The following SYT3 variants were observed in gnomAD, a reference collection of about 807,000 sequenced individuals.
The protein encoded by SYT3 is synaptotagmin-3.
In SYT3, 25 loss-of-function variants were observed where a neutral mutation model predicts 50.6. That is an observed-to-expected ratio of 0.49 (90% CI 0.36 to 0.69). SYT3 has a LOEUF of 0.69. Ranked by LOEUF, SYT3 falls within the 30% of genes least tolerant of loss-of-function variation. The probability of loss-of-function intolerance (pLI) is 0.00; values close to 1 mark genes in which losing one functional copy is unlikely to be tolerated. For missense variants in SYT3, 589 were observed against 793.6 expected (o/e 0.74, Z 3.10); for synonymous variants, 323 against 353.9 (o/e 0.91, Z 0.98).
Position 50,625,852 on chromosome 19 carries a change from G to A in SYT3, c.1402+45C>T, listed in dbSNP as rs1283711091. ...CTGGCCCCTCCTCCCTCAGACCCAG[G>A]AGTCCAGGCCCCCAGCCCTCCTCCC... On this transcript the variant is annotated intron_variant, in intron 7 of 10. Coordinates refer to ENST00000600079, the MANE Select transcript of SYT3 (RefSeq NM_001160329.2). The surrounding 1 kb of genome is among the most constrained non-coding windows in gnomAD (Gnocchi z 7.5). 1.9e-6 allele frequency: 3 copies of A among 1,554,044 alleles called. No homozygotes were observed. The highest frequency in any genetic ancestry group is 2.6e-6 in the Non-Finnish European group (3 of 1,141,088).
chr19:50,649,605 C>T, the SYT3 span: 12 of 1,339,252 alleles, frequency 9.0e-6, no homozygotes, highest in Non-Finnish European at 1.2e-5. Context: ...AAGCGAGTCA[C>T]TGGCACTCCA....
At chr19:50,638,223 G>A (rs1055614191) in intron 2 of SYT3, among the ~76,000 whole-genome samples, 1 of 152,080 alleles carries the variant, frequency 6.6e-6, no homozygotes, top group African/African-American at 2.4e-5. Context: ...GGGCAGTGGC[G>A]CCAGGATGGG....
the SYT3 span, among the ~76,000 whole-genome samples, chr19:50,648,235 GT>G: frequency 6.6e-6 from 1 of 152,158 alleles, no homozygotes; most frequent in Middle Eastern, 3.4e-3. Context: ...GAAAAACCCT[GT>G]TTTCTAACAG....
chr19:50,642,760 G>A (rs923079939), upstream of SYT3, among the ~76,000 whole-genome samples: 3 of 152,152 alleles, frequency 2.0e-5, no homozygotes, highest in Admixed American at 2.0e-4. Flanking sequence ...CTTGAACCCA[G>A]GAGGCAGAGG....
At chr19:50,656,878 G>C in the SYT3 span, among the ~76,000 whole-genome samples, 2 of 151,936 alleles carry the variant, frequency 1.3e-5, no homozygotes, top group African/African-American at 4.8e-5. Flanking sequence ...CTTGAACCTG[G>C]GAGGTGGAGG....
At chr19:50,626,891 A>AATT (rs1984091434) in intron 6 of SYT3, among the ~76,000 whole-genome samples, 1 of 152,044 alleles carries the variant, frequency 6.6e-6, no homozygotes, top group Admixed American at 6.6e-5. Flanking sequence ...GTGGAGGGGC[A>AATT]GAGACCAGAG....
upstream of SYT3, among the ~76,000 whole-genome samples, chr19:50,642,204 C>T (rs926415766): frequency 2.6e-5 from 4 of 152,208 alleles, no homozygotes; most frequent in Non-Finnish European, 5.9e-5. Flanking sequence ...CCAACTCTAA[C>T]AGCCCGACCC....
the SYT3 span, among the ~76,000 whole-genome samples, chr19:50,647,269 A>C: frequency 6.6e-5 from 10 of 152,120 alleles, no homozygotes; most frequent in African/African-American, 2.4e-4. Flanking sequence ...TGTCTAAGGC[A>C]CTGGGGAGCC....
Position 50,637,565 on chromosome 19 carries a change from T to A in SYT3, c.-15-139A>T. 1.5e-6 allele frequency: 1 copy of A among 654,564 alleles called. No homozygotes were observed. Among genetic ancestry groups the A allele is most frequent in the Non-Finnish European group, 2.5e-6 (1 of 400,388 alleles). The allele number at this position is 654,564 out of a possible 1,614,324, so 40.5% of individuals were successfully genotyped here. A position where few individuals can be genotyped will look rare whatever the true frequency, so the allele number is the denominator to read the frequency against. ...AAAGGGGACAGAGATTAGGGGCAGA[T>A]GGATTAGGGATGGAGATTCGAGGAA... On this transcript the variant is annotated intron_variant, in intron 2 of 10. Coordinates refer to ENST00000600079, the MANE Select transcript of SYT3 (RefSeq NM_001160329.2). The surrounding 1 kb of genome is among the most constrained non-coding windows in gnomAD (Gnocchi z 4.9).
intron 6 of SYT3, among the ~76,000 whole-genome samples, chr19:50,628,164 AAC>A (rs1296159285): frequency 6.6e-6 from 1 of 152,176 alleles, no homozygotes; most frequent in Non-Finnish European, 1.5e-5. Flanking sequence ...CCCTCCCCAC[AAC>A]ACACACACAG....
the SYT3 span, among the ~76,000 whole-genome samples, chr19:50,656,623 C>A: frequency 6.6e-5 from 10 of 152,162 alleles, no homozygotes; most frequent in East Asian, 1.9e-3. Context: ...TAATCCACTT[C>A]TGTAAAGTTT....
At chr19:50,623,352 G>T (rs552714310) in intron 9 of SYT3, among the ~76,000 whole-genome samples, 1 of 152,194 alleles carries the variant, frequency 6.6e-6, no homozygotes, top group African/African-American at 2.4e-5. Flanking sequence ...GTGCCCAGGT[G>T]TCGGGTCCCT....
the SYT3 span, chr19:50,656,314 T>G: frequency 0.88 from 1,353,052 of 1,535,966 alleles, 596,721 homozygotes; most frequent in Middle Eastern, 0.9. Flanking sequence ...ACCACCAGCT[T>G]CCCAGCCCCT....
chr19:50,653,681 A>T, the SYT3 span, among the ~76,000 whole-genome samples: 1 of 120,646 alleles, frequency 8.3e-6, no homozygotes, highest in African/African-American at 3.2e-5. Context: ...AATGAGAGAC[A>T]GCACACACAC....
the SYT3 span, chr19:50,649,780 A>G: frequency 1.7e-6 from 1 of 584,868 alleles, no homozygotes; most frequent in Non-Finnish European, 3.2e-6. Context: ...AACACCTCTG[A>G]GGCCATTCTT....
chr19:50,649,586 T>A, the SYT3 span: 1 of 1,471,496 alleles, frequency 6.8e-7, no homozygotes, highest in Non-Finnish European at 9.2e-7. Flanking sequence ...GGGCTCACAG[T>A]GTGGCCTTAA....
At chr19:50,643,846 A>C (rs938043583), upstream of SYT3, among the ~76,000 whole-genome samples, 2 of 152,180 alleles carry the variant, frequency 1.3e-5, no homozygotes, top group African/African-American at 4.8e-5. Flanking sequence ...TACTAGGATC[A>C]ATGCTAGGAA....
At chr19:50,623,085 G>T in intron 9 of SYT3, among the ~76,000 whole-genome samples, 1 of 149,148 alleles carries the variant, frequency 6.7e-6, no homozygotes, top group South Asian at 2.2e-4. Flanking sequence ...GGGAGGGGAA[G>T]CTCTGGGTGT....
At chr19:50,636,085 T>C (rs1984486980) in intron 3 of SYT3, among the ~76,000 whole-genome samples, 1 of 151,946 alleles carries the variant, frequency 6.6e-6, no homozygotes, top group African/African-American at 2.4e-5. Flanking sequence ...AAACCCTGTC[T>C]CTACTGAAAA....
Sources: allele counts gnomAD v4.1 joint callset (sites outside exome capture counted in the v4.1 genomes callset), GRCh38; gene constraint gnomAD v4.1.1; non-coding constraint Gnocchi (gnomAD v3.1); transcripts MANE v1.5; gene names NCBI Gene and HGNC (gene_info 2026-07-23, HGNC 2026-07-21).